DSCAML1: variants seen among roughly 807,000 people sequenced by gnomAD.
DSCAML1 encodes cell adhesion molecule DSCAML1.
DSCAML1 carries 38 observed loss-of-function variants against 200.5 expected under a neutral mutation model. The observed-to-expected ratio is 0.19, with a 90% CI of 0.15 to 0.25. DSCAML1 has a LOEUF of 0.25. DSCAML1 is among the 10% of genes least tolerant of loss of function. The pLI is 1.00. For synonymous variants in DSCAML1, 1,215 were observed against 1,165.0 expected (o/e 1.04, Z -0.87); for missense variants, 2,223 against 2,858.8 (o/e 0.78, Z 5.07).
chr11:117,535,646 G>A (rs1229219597), intron 3 of DSCAML1, among the ~76,000 whole-genome samples: 2 of 152,164 alleles, frequency 1.3e-5, no homozygotes, highest in East Asian at 1.9e-4. Flanking sequence ...AAAGTCAAAC[G>A]CGGAAGCTCT....
intron 3 of DSCAML1, among the ~76,000 whole-genome samples, chr11:117,757,533 A>G (rs918534706): frequency 6.6e-6 from 1 of 151,716 alleles, no homozygotes; most frequent in African/African-American, 2.4e-5. Flanking sequence ...CATCTACAAG[A>G]TGTATAGAGC....
At chr11:117,564,071 C>T (rs896818730) in intron 3 of DSCAML1, among the ~76,000 whole-genome samples, 2 of 152,196 alleles carry the variant, frequency 1.3e-5, no homozygotes, top group Admixed American at 6.5e-5. Context: ...TGGAGGGTTC[C>T]CTGCCACATA....
intron 4 of DSCAML1, among the ~76,000 whole-genome samples, chr11:117,529,403 C>T (rs184961052): frequency 6.6e-6 from 1 of 152,134 alleles, no homozygotes; most frequent in African/African-American, 2.4e-5. Flanking sequence ...TATTCTGTTT[C>T]ATTCTCATGG....
At position 117,629,856 on chromosome 11, in the gene DSCAML1, C is replaced by T. The variant is rs566736359; in HGVS notation, c.512-97334G>A. On this transcript the variant is annotated intron_variant, in intron 3 of 32. Coordinates refer to ENST00000651296, the MANE Select transcript of DSCAML1 (RefSeq NM_020693.4). Reference sequence around the variant, plus strand: ...TACAAAAAATAAAAATAAAATTAGCCGGGCATGGTGGCATATGCCTGTAGC... The same window carrying T: ...TACAAAAAATAAAAATAAAATTAGCTGGGCATGGTGGCATATGCCTGTAGC... Among the ~76,000 whole-genome samples, 117 of 152,226 alleles carry T rather than the reference C, an allele frequency of 7.7e-4. 2 individuals are homozygous for T. Among genetic ancestry groups the T allele is most frequent in the Middle Eastern group, 3.4e-3 (1 of 294 alleles).
rs2051945117 is a variant in DSCAML1, at chr11:117,622,033, C to T, written c.512-89511G>A. On this transcript the variant is annotated intron_variant, in intron 3 of 32. Coordinates refer to ENST00000651296, the MANE Select transcript of DSCAML1 (RefSeq NM_020693.4). ...ACTACAAGGTCTGAAACTTAGATGACCCTCAGTCCATGTTTGCTGGATGAA... is the reference window on the plus strand; with the variant it reads ...ACTACAAGGTCTGAAACTTAGATGATCCTCAGTCCATGTTTGCTGGATGAA... Among the ~76,000 whole-genome samples the T allele has an allele frequency of 2.0e-5, 3 of 152,178 alleles. No individual in the cohort carries two copies. In the South Asian group the frequency reaches 6.2e-4, roughly 32 times the overall value.
intron 3 of DSCAML1, among the ~76,000 whole-genome samples, chr11:117,720,780 G>A (rs2137794564): frequency 6.6e-6 from 1 of 152,350 alleles, no homozygotes; most frequent in Non-Finnish European, 1.5e-5. Context: ...AGGATTAAAT[G>A]AGAGAATTCC....
At chr11:117,643,431 G>A (rs1032020390) in intron 3 of DSCAML1, among the ~76,000 whole-genome samples, 3 of 152,148 alleles carry the variant, frequency 2.0e-5, no homozygotes, top group Non-Finnish European at 2.9e-5. Context: ...GCATGGAGGA[G>A]GAAAACACAA....
At chr11:117,571,259 T>G (rs996607257) in intron 3 of DSCAML1, among the ~76,000 whole-genome samples, 1 of 152,164 alleles carries the variant, frequency 6.6e-6, no homozygotes, top group Non-Finnish European at 1.5e-5. Flanking sequence ...GCTTTGGAGA[T>G]CATCCTTATC....
intron 3 of DSCAML1, among the ~76,000 whole-genome samples, chr11:117,746,121 C>T (rs2054513767): frequency 6.9e-6 from 1 of 144,938 alleles, no homozygotes; most frequent in Admixed American, 7.2e-5. Flanking sequence ...ACCTGGGAGG[C>T]TGAGGCAGGA....
intron 30 of DSCAML1, among the ~76,000 whole-genome samples, chr11:117,432,043 G>C (rs566949656): frequency 6.6e-6 from 1 of 152,204 alleles, no homozygotes; most frequent in East Asian, 1.9e-4. Context: ...TCCTTGATGT[G>C]TTCTATCCTA....
rs145428869 is a variant in DSCAML1, at chr11:117,718,237, C to G, written c.511+58554G>C. Among the ~76,000 whole-genome samples the G allele has an allele frequency of 9.8e-3, 1,492 of 152,322 alleles. 1 individual carries two copies. Among genetic ancestry groups the G allele is most frequent in the Non-Finnish European group, 0.015 (1,010 of 68,018 alleles). ...CACGCACCCCGCCATCCCCCACCCC[C>G]CTTCCCGAGGCTGACACAGCCTGAG... On this transcript the variant is annotated intron_variant, in intron 3 of 32. Coordinates refer to ENST00000651296, the MANE Select transcript of DSCAML1 (RefSeq NM_020693.4).
At chr11:117,547,270 A>C (rs1019652578) in intron 3 of DSCAML1, among the ~76,000 whole-genome samples, 1 of 152,004 alleles carries the variant, frequency 6.6e-6, no homozygotes, top group African/African-American at 2.4e-5. Context: ...CTCTCACTCC[A>C]TGTGTCAGAT....
chr11:117,616,114 C>A (rs527005), intron 3 of DSCAML1, among the ~76,000 whole-genome samples: 1 of 152,020 alleles, frequency 6.6e-6, no homozygotes, highest in African/African-American at 2.4e-5. Flanking sequence ...TTGGGGTCAT[C>A]ATCAGTCCGA....
chr11:117,519,133 C>T (rs368571625), intron 6 of DSCAML1, among the ~76,000 whole-genome samples: 8 of 152,212 alleles, frequency 5.3e-5, no homozygotes, highest in South Asian at 4.1e-4. Flanking sequence ...CTTCACACAG[C>T]GCTTTGTAAT....
At chr11:117,592,629 C>G (rs540329928) in intron 3 of DSCAML1, among the ~76,000 whole-genome samples, 1 of 152,190 alleles carries the variant, frequency 6.6e-6, no homozygotes, top group African/African-American at 2.4e-5. Context: ...TAGTTACACA[C>G]CCTTCGTTAC....
At chr11:117,738,280 T>C (rs1384720908) in intron 3 of DSCAML1, among the ~76,000 whole-genome samples, 1 of 152,188 alleles carries the variant, frequency 6.6e-6, no homozygotes, top group African/African-American at 2.4e-5. Flanking sequence ...CTTTTCTTGC[T>C]AGAATCCACC....
At chr11:117,742,602 C>G (rs906566643) in intron 3 of DSCAML1, among the ~76,000 whole-genome samples, 1 of 152,210 alleles carries the variant, frequency 6.6e-6, no homozygotes, top group African/African-American at 2.4e-5. Flanking sequence ...CAGCTCCATA[C>G]AGGGAGTCAA....
At chr11:117,492,142 C>T (rs1345800237) in intron 11 of DSCAML1, among the ~76,000 whole-genome samples, 1 of 152,176 alleles carries the variant, frequency 6.6e-6, no homozygotes. Flanking sequence ...GTAATTCTCA[C>T]GTGGTTTGGA....
intron 3 of DSCAML1, among the ~76,000 whole-genome samples, chr11:117,713,745 G>A (rs539496811): frequency 7.9e-5 from 12 of 152,292 alleles, no homozygotes; most frequent in African/African-American, 2.4e-4. Flanking sequence ...CAGATTCTGC[G>A]GAGTCCATCC....
Sources: gnomAD v4.1 joint callset for allele counts (sites outside exome capture counted in the v4.1 genomes callset) on GRCh38, gnomAD v4.1.1 for gene constraint, MANE v1.5 for transcripts, NCBI Gene and HGNC (gene_info 2026-07-23, HGNC 2026-07-21) for gene names.